TMPRSS11E: variants seen among roughly 807,000 people sequenced by gnomAD.
TMPRSS11E encodes transmembrane serine protease 11E.
In TMPRSS11E, 38 loss-of-function variants were observed where a neutral mutation model predicts 48.1. That is an observed-to-expected ratio of 0.79 (90% confidence interval 0.61 to 1.04). TMPRSS11E has a LOEUF of 1.04. TMPRSS11E is among the 50% of genes least tolerant of loss of function. The pLI is 0.00. For missense variants in TMPRSS11E, 530 were observed against 510.8 expected (o/e 1.04, Z -0.36); for synonymous variants, 158 against 171.9 (o/e 0.92, Z 0.63).
At chr4:68,454,957 C>T (rs1435912850) in intron 1 of TMPRSS11E, among the ~76,000 whole-genome samples, 1 of 151,892 alleles carries the variant, frequency 6.6e-6, no homozygotes, top group African/African-American at 2.4e-5. Context: ...TTACAGTTCT[C>T]TTCTAGCTAT....
At chr4:68,483,250 AG>A (rs1729459678) in intron 9 of TMPRSS11E, among the ~76,000 whole-genome samples, 1 of 18,086 alleles carries the variant, frequency 5.5e-5, no homozygotes, top group Non-Finnish European at 1.2e-4. Flanking sequence ...AGCAGGAGCG[AG>A]AGAGAGAGAG....
chr4:68,458,616 C>G (rs1257931982), intron 1 of TMPRSS11E, among the ~76,000 whole-genome samples: 2 of 152,048 alleles, frequency 1.3e-5, no homozygotes, highest in South Asian at 4.2e-4. Context: ...TAAATTTATT[C>G]CTTCACTTTA....
intron 9 of TMPRSS11E, among the ~76,000 whole-genome samples, chr4:68,495,683 A>G (rs1729845795): frequency 6.6e-6 from 1 of 152,158 alleles, no homozygotes; most frequent in Non-Finnish European, 1.5e-5. Context: ...TAGGGAAAAA[A>G]GCATGGGCTT....
intron 1 of TMPRSS11E, among the ~76,000 whole-genome samples, chr4:68,454,187 G>T (rs2109662304): frequency 6.6e-6 from 1 of 152,010 alleles, no homozygotes; most frequent in East Asian, 1.9e-4. Flanking sequence ...CCATTGTGAT[G>T]AACATAGGCT....
At chr4:68,460,091 C>T (rs1222533664) in intron 1 of TMPRSS11E, among the ~76,000 whole-genome samples, 1 of 152,126 alleles carries the variant, frequency 6.6e-6, no homozygotes, top group East Asian at 1.9e-4. Context: ...CTGGTTACGG[C>T]CCCGTGGAAA....
chr4:68,493,726 G>A (rs1198144566), intron 9 of TMPRSS11E, among the ~76,000 whole-genome samples: 1 of 152,118 alleles, frequency 6.6e-6, no homozygotes, highest in Non-Finnish European at 1.5e-5. Flanking sequence ...GACCTCAGGA[G>A]ATCTACCTGC....
intron 4 of TMPRSS11E, among the ~76,000 whole-genome samples, chr4:68,469,522 A>C (rs574028569): frequency 2.6e-5 from 4 of 151,998 alleles, no homozygotes; most frequent in Admixed American, 6.6e-5. Flanking sequence ...TTCCAATATT[A>C]TTCCAATGAC....
rs377068765 is a variant in TMPRSS11E at position 68,478,451 on chromosome 4, CTTTTTTTTT to C, written c.968-385_968-377del. On this transcript the variant is annotated intron_variant, in intron 8 of 9. Transcript: ENST00000305363. ...AAGCCACCGCACCCGGTATCCCCCG[CTTTTTTTTT>C]TTTTTTTTTTTTAAGATGGGGCTTC... Among the ~76,000 whole-genome samples the C allele has an allele frequency of 2.4e-4, 18 of 73,636 alleles. No individual in the cohort carries two copies. In the South Asian group the frequency reaches 0.014, roughly 56 times the overall value. 48.3% of individuals were successfully genotyped at this position (73,636 alleles called of 152,430 possible).
chr4:68,455,730 C>A (rs1374803700), intron 1 of TMPRSS11E, among the ~76,000 whole-genome samples: 1 of 151,914 alleles, frequency 6.6e-6, no homozygotes, highest in Non-Finnish European at 1.5e-5. Flanking sequence ...TATTTTTCTT[C>A]CACATTTTGA....
chr4:68,467,126 C>T (rs1426332929), intron 3 of TMPRSS11E, among the ~76,000 whole-genome samples: 1 of 152,032 alleles, frequency 6.6e-6, no homozygotes, highest in Non-Finnish European at 1.5e-5. Context: ...AAGATTGAAA[C>T]TATTTAGGCA....
At chr4:68,486,973 G>A (rs777343511) in intron 9 of TMPRSS11E, among the ~76,000 whole-genome samples, 3 of 152,018 alleles carry the variant, frequency 2.0e-5, no homozygotes, top group Non-Finnish European at 2.9e-5. Context: ...CATTTGCTTG[G>A]TAGATCTTTC....
At chr4:68,473,002 T>G (rs1414157920) in intron 5 of TMPRSS11E, among the ~76,000 whole-genome samples, 1 of 152,116 alleles carries the variant, frequency 6.6e-6, no homozygotes. Flanking sequence ...ATGGAAATTA[T>G]GCAACTATAT....
chr4:68,496,507 A>C lies in TMPRSS11E; in HGVS notation c.1111-136A>C. 3 of 854,568 alleles carry C rather than the reference A, an allele frequency of 3.5e-6. No individual in the cohort carries two copies. In the South Asian group the frequency reaches 5.8e-5, roughly 16 times the overall value. The allele number at this position is 854,568 out of a possible 1,614,324, so 52.9% of individuals were successfully genotyped here. A position where few individuals can be genotyped will look rare whatever the true frequency, so the allele number is the denominator to read the frequency against. ...AGGTGGATAACTGACATAGATGGAG[A>C]AAATCACTTATGCATGCGAACACAC... On this transcript the variant is annotated intron_variant, in intron 9 of 9. Transcript: ENST00000305363.
chr4:68,496,553 C>G (rs1384469758), intron 9 of TMPRSS11E, 90 bp from the exon 10 acceptor site: 8 of 1,285,616 alleles, frequency 6.2e-6, no homozygotes, highest in Non-Finnish European at 8.6e-6. Context: ...TGAAAATTAC[C>G]CCTTTCATTA....
rs531638345 is a variant in TMPRSS11E at position 68,469,663 on chromosome 4, C to T, written c.326+717C>T. ...CTGCCCTTTCTTGGATCTGCAACTA[C>T]TTCTCTTATCTTTAAGTTTCACTTT... On this transcript the variant is annotated intron_variant, in intron 4 of 9. Coordinates refer to ENST00000305363, the MANE Select transcript of TMPRSS11E (RefSeq NM_014058.4). Among the ~76,000 whole-genome samples, 188 of 152,028 alleles carry T rather than the reference C, an allele frequency of 1.2e-3. 1 individual carries two copies. Among genetic ancestry groups the T allele is most frequent in the African/African-American group, 4.2e-3 (175 of 41,526 alleles).
intron 9 of TMPRSS11E, among the ~76,000 whole-genome samples, chr4:68,484,050 T>A (rs1271926719): frequency 1.3e-5 from 2 of 152,186 alleles, no homozygotes; most frequent in Non-Finnish European, 2.9e-5. Context: ...CTTTGTGGTA[T>A]AGTTTGAAGT....
At chr4:68,471,725 G>T (rs1213646166) in intron 5 of TMPRSS11E, 102 bp downstream of exon 5, 3 of 807,000 alleles carry the variant, frequency 3.7e-6, no homozygotes, top group Non-Finnish European at 5.5e-6. Flanking sequence ...TAATTCTGGG[G>T]TCTTGCCACC....
At position 68,476,331 on chromosome 4, in the gene TMPRSS11E, G is replaced by A; in HGVS notation, c.600G>A (p.Glu200=). The A allele has an allele frequency of 6.2e-7, 1 of 1,614,200 alleles. No homozygotes were observed. The highest frequency in any genetic ancestry group is 8.5e-7 in the Non-Finnish European group (1 of 1,180,012). ...LRIVGGTEVE[E]GEWPWQASLQ... ...TCGTTGGTGGGACAGAAGTAGAAGA[G>A]GGTGAATGGCCCTGGCAGGCTAGCC... is the stretch of plus-strand genomic sequence containing the variant. The change falls in exon 7 of 10, where the codon GAG becomes GAA. Residue 200 remains glutamate, a synonymous_variant. Coordinates refer to ENST00000305363, the MANE Select transcript of TMPRSS11E (RefSeq NM_014058.4).
intron 1 of TMPRSS11E, among the ~76,000 whole-genome samples, chr4:68,448,260 T>C (rs1181299224): frequency 2.0e-5 from 3 of 152,002 alleles, no homozygotes; most frequent in Non-Finnish European, 4.4e-5. Flanking sequence ...GAGAACAGTT[T>C]GAAAATGTTA....
Sources: allele counts gnomAD v4.1 joint callset (sites outside exome capture counted in the v4.1 genomes callset), GRCh38; gene constraint gnomAD v4.1.1; transcripts MANE v1.5; gene names NCBI Gene and HGNC (gene_info 2026-07-23, HGNC 2026-07-21).